COL24A1: variants seen among roughly 807,000 people sequenced by gnomAD.
COL24A1 encodes the protein collagen type XXIV alpha 1 chain, also known as collagen alpha-1(XXIV) chain.
COL24A1 carries 224 observed loss-of-function variants against 253.9 expected under a neutral mutation model. The ratio of observed to expected loss-of-function variants is 0.88; its 90% CI spans 0.79 to 0.99. The LOEUF (loss-of-function observed/expected upper bound fraction) is 0.99, where lower values mean the gene tolerates loss of function less well. Ranked by LOEUF, COL24A1 falls within the 50% of genes least tolerant of loss-of-function variation. The probability of loss-of-function intolerance (pLI) is 0.00; values close to 1 mark genes in which losing one functional copy is unlikely to be tolerated. For missense variants in COL24A1, 2,131 were observed against 2,068.5 expected (o/e 1.03, Z -0.59); for synonymous variants, 685 against 673.7 (o/e 1.02, Z -0.26).
intron 7 of COL24A1, among the ~76,000 whole-genome samples, chr1:86,071,117 A>G (rs966704738): frequency 2.6e-5 from 4 of 152,214 alleles, no homozygotes; most frequent in Admixed American, 6.5e-5. Flanking sequence ...TAGAGTTTTT[A>G]TCAGTTTTCT....
At chr1:85,817,989 T>C in intron 46 of COL24A1, 45 bp downstream of exon 46, 1 of 1,544,720 alleles carries the variant, frequency 6.5e-7, no homozygotes, top group Non-Finnish European at 8.9e-7. Flanking sequence ...AAGTTGCCAG[T>C]TCCATTTAGA....
Position 85,844,954 on chromosome 1 carries a change from G to T in COL24A1, c.3463-2561C>A, listed in dbSNP as rs186035625. On this transcript the variant is annotated intron_variant, in intron 39 of 59. Transcript: ENST00000370571. The stretch of plus-strand genomic sequence containing the variant: ...AAAAATTTACCAACCCATTTTATAT[G>T]ACTTGCTTAACACTTATGCCTAAAT... Among the ~76,000 whole-genome samples the T allele has an allele frequency of 9.9e-5, 15 of 151,888 alleles. No homozygotes were observed. The East Asian group carries it at 2.5e-3, about 25-fold the overall frequency.
At chr1:85,866,082 G>A (rs1239294631) in intron 37 of COL24A1, among the ~76,000 whole-genome samples, 2 of 152,116 alleles carry the variant, frequency 1.3e-5, no homozygotes, top group African/African-American at 2.4e-5. Context: ...GGCCAACATG[G>A]TGAAACCCCA....
At chr1:85,978,489 T>C (rs906390892) in intron 20 of COL24A1, among the ~76,000 whole-genome samples, 1 of 151,574 alleles carries the variant, frequency 6.6e-6, no homozygotes, top group Non-Finnish European at 1.5e-5. Flanking sequence ...ACCTAACACA[T>C]AAGGACTCAA....
intron 24 of COL24A1, among the ~76,000 whole-genome samples, chr1:85,927,124 GAGCGAC>G (rs1451993725): frequency 2.6e-5 from 4 of 152,182 alleles, no homozygotes; most frequent in Non-Finnish European, 2.9e-5. Flanking sequence ...CTCCCAGCGT[GAGCGAC>G]GCAGAAGACG....
chr1:85,858,281 T>C (rs1001644026), intron 37 of COL24A1, among the ~76,000 whole-genome samples: 1 of 152,220 alleles, frequency 6.6e-6, no homozygotes, highest in Non-Finnish European at 1.5e-5. Context: ...ATGAGAATAA[T>C]CACCAAACCT....
intron 2 of COL24A1, among the ~76,000 whole-genome samples, chr1:86,127,795 G>A (rs1422427889): frequency 6.6e-6 from 1 of 152,036 alleles, no homozygotes; most frequent in East Asian, 1.9e-4. Context: ...CAAAAGATAG[G>A]AGAGAATCTC....
intron 51 of COL24A1, among the ~76,000 whole-genome samples, chr1:85,781,635 A>G (rs12563027): frequency 0.13 from 19,376 of 152,224 alleles, 1,405 homozygotes; most frequent in East Asian, 0.22. Context: ...GTTTTGAATA[A>G]ATTTCTGTGC....
chr1:85,779,937 A>T (rs1030604381), intron 52 of COL24A1, among the ~76,000 whole-genome samples: 7 of 152,342 alleles, frequency 4.6e-5, no homozygotes, highest in East Asian at 1.9e-4. Flanking sequence ...TTTAAGAACT[A>T]TCTATAAACA....
chr1:85,961,426 T>G, intron 23 of COL24A1, 133 bp from the exon 24 acceptor site: 1 of 702,068 alleles, frequency 1.4e-6, no homozygotes, highest in East Asian at 2.7e-5. Context: ...TTTCAGTTAC[T>G]TAAAACTTTG....
chr1:86,059,638 CT>C (rs921141606), intron 8 of COL24A1, among the ~76,000 whole-genome samples: 4 of 152,164 alleles, frequency 2.6e-5, no homozygotes, highest in Non-Finnish European at 5.9e-5. Context: ...TACAGTGAGT[CT>C]GATTAAGTAA....
intron 38 of COL24A1, among the ~76,000 whole-genome samples, chr1:85,848,047 A>G (rs1677333074): frequency 6.6e-6 from 1 of 152,156 alleles, no homozygotes; most frequent in African/African-American, 2.4e-5. Flanking sequence ...GAATTTTGCT[A>G]TATATGTATG....
chr1:86,023,967 T>TAAATA (rs1697790566), intron 14 of COL24A1, among the ~76,000 whole-genome samples: 2 of 152,142 alleles, frequency 1.3e-5, no homozygotes, highest in Non-Finnish European at 2.9e-5. Flanking sequence ...TAAGGAACTC[T>TAAATA]TAAAGTTGCA....
chr1:86,016,153 C>T (rs982202092), intron 19 of COL24A1, among the ~76,000 whole-genome samples: 1 of 151,848 alleles, frequency 6.6e-6, no homozygotes, highest in Non-Finnish European at 1.5e-5. Flanking sequence ...TGGGATTGCA[C>T]CATGCCCAGC....
intron 19 of COL24A1, among the ~76,000 whole-genome samples, chr1:86,007,280 C>T (rs1171123728): frequency 6.6e-6 from 1 of 152,134 alleles, no homozygotes; most frequent in African/African-American, 2.4e-5. Flanking sequence ...TGTGGTGCCA[C>T]TGCACACTCA....
At chr1:85,786,235 C>T in intron 48 of COL24A1, 119 bp downstream of exon 48, 1 of 847,174 alleles carries the variant, frequency 1.2e-6, no homozygotes, top group South Asian at 2.4e-5. Context: ...CGTGCTTTTA[C>T]TATTAGCCAA....
intron 53 of COL24A1, among the ~76,000 whole-genome samples, chr1:85,764,246 G>C (rs186615501): frequency 6.6e-6 from 1 of 151,976 alleles, no homozygotes; most frequent in Admixed American, 6.6e-5. Flanking sequence ...TGTCTCCTAG[G>C]GTGGTAGGGG....
At chr1:86,093,447 A>G (rs944064544) in intron 5 of COL24A1, among the ~76,000 whole-genome samples, 5 of 151,962 alleles carry the variant, frequency 3.3e-5, no homozygotes, top group East Asian at 1.9e-4. Flanking sequence ...GTAGGTGTGC[A>G]GTCTTATTTC....
intron 24 of COL24A1, among the ~76,000 whole-genome samples, chr1:85,956,428 G>A (rs953615902): frequency 2.6e-4 from 40 of 152,080 alleles, no homozygotes; most frequent in African/African-American, 9.7e-4. Flanking sequence ...CTTCCTCTCT[G>A]CTCATCGGTC....
Sources: gnomAD v4.1 joint callset for allele counts (sites outside exome capture counted in the v4.1 genomes callset) on GRCh38, gnomAD v4.1.1 for gene constraint, MANE v1.5 for transcripts, NCBI Gene and HGNC (gene_info 2026-07-23, HGNC 2026-07-21) for gene names.